PPM1L: variants seen among roughly 807,000 people sequenced by gnomAD.
PPM1L encodes protein phosphatase, Mg2+/Mn2+ dependent 1L.
In PPM1L, 13 loss-of-function variants were observed where a neutral mutation model predicts 31.4. The observed-to-expected ratio is 0.41, with a 90% CI of 0.27 to 0.66. PPM1L has a LOEUF of 0.66. Among genes scored for constraint, PPM1L ranks in the 30% least tolerant of loss-of-function variants. PPM1L has a pLI of 0.29. For missense variants in PPM1L, 326 were observed against 453.7 expected (o/e 0.72, Z 2.56); for synonymous variants, 184 against 175.4 (o/e 1.05, Z -0.39).
At chr3:160,871,838 A>G (rs1712317234) in intron 1 of PPM1L, among the ~76,000 whole-genome samples, 2 of 151,738 alleles carry the variant, frequency 1.3e-5, no homozygotes, top group African/African-American at 2.4e-5. Flanking sequence ...TCCTTACTAA[A>G]GTATTCCTTT....
chr3:160,978,872 A>G (rs934700189), intron 2 of PPM1L, among the ~76,000 whole-genome samples: 2 of 151,906 alleles, frequency 1.3e-5, no homozygotes, highest in African/African-American at 4.8e-5. Context: ...AGAGAAAGAA[A>G]GAAAGGAAAG....
chr3:161,071,722 T>G lies in PPM1L; in HGVS notation c.*2565T>G. ...TATTTTGTTCCCTTCCTTCTGGAGC[T>G]CTCTCTCCCTAGCCCTTTTCCAGCT... On this transcript the variant is annotated 3_prime_UTR_variant, in exon 4 of 4. Transcript: ENST00000498165. 1 of 152,220 alleles carries G rather than the reference T, an allele frequency of 6.6e-6. No homozygotes were observed. The highest frequency in any genetic ancestry group is 1.9e-4 in the East Asian group (1 of 5,198). 9.4% of individuals were successfully genotyped at this position (152,220 alleles called of 1,614,324 possible).
chr3:160,778,074 ATC>A (rs1473110049), intron 1 of PPM1L, among the ~76,000 whole-genome samples: 1 of 151,954 alleles, frequency 6.6e-6, no homozygotes, highest in Non-Finnish European at 1.5e-5. Context: ...TGGCTGTGAT[ATC>A]TCATTGTGGT....
chr3:161,015,063 C>A (rs1718039110), intron 2 of PPM1L, among the ~76,000 whole-genome samples: 4 of 148,492 alleles, frequency 2.7e-5, no homozygotes. Context: ...GTGTGTAGGG[C>A]AGTTGGTAGG....
chr3:160,853,916 TTTAA>T (rs1210311464), intron 1 of PPM1L, among the ~76,000 whole-genome samples: 2 of 151,230 alleles, frequency 1.3e-5, no homozygotes, highest in Admixed American at 6.6e-5. Flanking sequence ...AAGGTCAAAC[TTTAA>T]TTAACTTTTC....
At chr3:160,972,152 G>A (rs775502199) in intron 2 of PPM1L, among the ~76,000 whole-genome samples, 1 of 152,096 alleles carries the variant, frequency 6.6e-6, no homozygotes, top group Non-Finnish European at 1.5e-5. Flanking sequence ...AGCATTGCCT[G>A]TTTGCTTATG....
At chr3:160,958,184 T>C (rs1715842999) in intron 1 of PPM1L, among the ~76,000 whole-genome samples, 1 of 152,208 alleles carries the variant, frequency 6.6e-6, no homozygotes, top group African/African-American at 2.4e-5. Flanking sequence ...TGTCAATTTT[T>C]GCTTTTTTTG....
chr3:160,961,499 T>A (rs1241932338), intron 1 of PPM1L, among the ~76,000 whole-genome samples: 1 of 152,166 alleles, frequency 6.6e-6, no homozygotes, highest in African/African-American at 2.4e-5. Flanking sequence ...TCTAACCAAG[T>A]CTATCATCTT....
chr3:160,925,212 A>G (rs915291112), intron 1 of PPM1L, among the ~76,000 whole-genome samples: 1 of 152,200 alleles, frequency 6.6e-6, no homozygotes, highest in African/African-American at 2.4e-5. Flanking sequence ...ACTCTGATTT[A>G]CCAGTCACTA....
chr3:160,871,304 G>C (rs1712295079), intron 1 of PPM1L, among the ~76,000 whole-genome samples: 1 of 152,146 alleles, frequency 6.6e-6, no homozygotes, highest in Non-Finnish European at 1.5e-5. Context: ...TAAACAAAAA[G>C]AGGTTAAAGG....
intron 1 of PPM1L, among the ~76,000 whole-genome samples, chr3:160,890,922 A>G (rs570922138): frequency 1.1e-3 from 169 of 152,352 alleles, no homozygotes; most frequent in African/African-American, 3.8e-3. Context: ...GGCCAGCCAT[A>G]TGCAGAAAAC....
At chr3:160,928,557 CAA>C (rs1714676655) in intron 1 of PPM1L, among the ~76,000 whole-genome samples, 1 of 152,180 alleles carries the variant, frequency 6.6e-6, no homozygotes, top group Admixed American at 6.5e-5. Flanking sequence ...TGATAGCATA[CAA>C]AGAGTATCAG....
intron 1 of PPM1L, among the ~76,000 whole-genome samples, chr3:160,762,626 A>T (rs776610371): frequency 2.2e-4 from 33 of 152,182 alleles, no homozygotes; most frequent in Non-Finnish European, 4.1e-4. Flanking sequence ...GCTTGACTGA[A>T]GGAGCTTGGG....
At chr3:160,795,017 G>C (rs1712208816) in intron 1 of PPM1L, among the ~76,000 whole-genome samples, 1 of 152,074 alleles carries the variant, frequency 6.6e-6, no homozygotes, top group South Asian at 2.1e-4. Flanking sequence ...TTTGCCTGAG[G>C]AAGATAAAAG....
chr3:160,979,923 A>G (rs1716740054), intron 2 of PPM1L, among the ~76,000 whole-genome samples: 1 of 152,066 alleles, frequency 6.6e-6, no homozygotes, highest in African/African-American at 2.4e-5. Context: ...AAGACCAGAC[A>G]TCATGGAACT....
intron 2 of PPM1L, among the ~76,000 whole-genome samples, chr3:161,043,624 A>C (rs1348968136): frequency 6.6e-6 from 1 of 152,200 alleles, no homozygotes; most frequent in Non-Finnish European, 1.5e-5. Flanking sequence ...CAAATCAGCC[A>C]CCAATGTTGA....
At chr3:160,980,417 C>T (rs1559912182) in intron 2 of PPM1L, among the ~76,000 whole-genome samples, 1 of 151,908 alleles carries the variant, frequency 6.6e-6, no homozygotes, top group Non-Finnish European at 1.5e-5. Flanking sequence ...TGTCTCACGC[C>T]TGTAATCCCA....
intron 1 of PPM1L, among the ~76,000 whole-genome samples, chr3:160,827,837 C>T (rs1470176998): frequency 1.3e-5 from 2 of 151,024 alleles, no homozygotes; most frequent in Non-Finnish European, 2.9e-5. Context: ...GCTTACAGTT[C>T]TACAGGCTGT....
At chr3:160,925,426 A>G (rs940152796) in intron 1 of PPM1L, among the ~76,000 whole-genome samples, 1 of 152,228 alleles carries the variant, frequency 6.6e-6, no homozygotes, top group Non-Finnish European at 1.5e-5. Context: ...TAGGTGATCA[A>G]AACATCAATT....
Sources: gnomAD v4.1 joint callset for allele counts (sites outside exome capture counted in the v4.1 genomes callset) on GRCh38, gnomAD v4.1.1 for gene constraint, MANE v1.5 for transcripts, NCBI Gene and HGNC (gene_info 2026-07-23, HGNC 2026-07-21) for gene names.